TMEM223: variants seen among roughly 807,000 people sequenced by gnomAD.
TMEM223 encodes transmembrane protein 223.
In TMEM223, 14 loss-of-function variants were observed where a neutral mutation model predicts 14.1. That is an observed-to-expected ratio of 0.99 (90% CI 0.66 to 1.55). The LOEUF (loss-of-function observed/expected upper bound fraction) is 1.55. Among genes scored for constraint, TMEM223 ranks in the 40% most tolerant of loss-of-function variants. TMEM223 has a pLI of 0.00. For missense variants in TMEM223, 346 were observed against 269.9 expected (o/e 1.28, Z -1.97); for synonymous variants, 145 against 120.5 (o/e 1.20, Z -1.33).
downstream of TMEM223, chr11:62,786,028 T>C (rs372033520): frequency 1.9e-4 from 89 of 462,514 alleles, 1 homozygote; most frequent in East Asian, 1.3e-3. Flanking sequence ...GGCAGTGATA[T>C]TGGGTATATT....
In TMEM223 at chr11:62,790,108, CCCT is replaced by C. The variant is rs1182758277; in HGVS notation, c.*512_*514del. 2 of 1,490,926 alleles carry C rather than the reference CCCT, an allele frequency of 1.3e-6. No individual in the cohort carries two copies. Among genetic ancestry groups the C allele is most frequent in the South Asian group, 1.4e-5 (1 of 73,368 alleles). The allele number at this position is 1,490,926 out of a possible 1,614,324, so 92.4% of individuals were successfully genotyped here. ...CATGCCCAAGTGCCTGTAATCCCCC[CCCT>C]CAAGGCCCTGTTTATGTTGGGAGTC... is the stretch of plus-strand genomic sequence containing the variant. On this transcript the variant is annotated 3_prime_UTR_variant, in exon 2 of 2. Coordinates refer to ENST00000307366, the MANE Select transcript of TMEM223 (RefSeq NM_001080501.3).
intron 1 of TMEM223, chr11:62,775,972 T>A: frequency 6.4e-7 from 1 of 1,565,684 alleles, no homozygotes; most frequent in Non-Finnish European, 8.7e-7. Context: ...CTTTCCTTGT[T>A]TCTGCCTTTT....
chr11:62,789,907 G>A (rs754636767), downstream of TMEM223: 1 of 1,613,972 alleles, frequency 6.2e-7, no homozygotes, highest in Non-Finnish European at 8.5e-7. Flanking sequence ...GGTGAATTTG[G>A]TATTGTGGTG....
downstream of TMEM223, chr11:62,789,043 TC>T (rs1322737495): frequency 6.2e-7 from 1 of 1,613,032 alleles, no homozygotes; most frequent in South Asian, 1.1e-5. Context: ...GTGGTAGATG[TC>T]CCCTGTATGG....
At chr11:62,787,421 G>A (rs1312087313), downstream of TMEM223, 3 of 1,560,152 alleles carry the variant, frequency 1.9e-6, no homozygotes, top group Admixed American at 5.5e-5. Context: ...CTTCCTGGTG[G>A]TCAGGGCGCC....
At chr11:62,780,806 A>T (rs1181910539) in intron 1 of TMEM223, among the ~76,000 whole-genome samples, 1 of 150,272 alleles carries the variant, frequency 6.7e-6, no homozygotes, top group Non-Finnish European at 1.5e-5. Context: ...GCTTGGTGGC[A>T]TGCGTCTGTA....
intron 1 of TMEM223, among the ~76,000 whole-genome samples, chr11:62,791,161 G>A (rs2084356511): frequency 6.6e-6 from 1 of 152,136 alleles, no homozygotes; most frequent in South Asian, 2.1e-4. Flanking sequence ...TTAATGGGAA[G>A]ATGGAGAGCT....
Position 62,790,185 on chromosome 11 carries a change from C to T in TMEM223, c.*438G>A, listed in dbSNP as rs1264907065. On this transcript the variant is annotated 3_prime_UTR_variant, in exon 2 of 2. Coordinates refer to ENST00000307366, the MANE Select transcript of TMEM223 (RefSeq NM_001080501.3). ...TGGGGGGGAAACATAATGACAGGCCCCCCTCCACCTCTTCCTGCAGCTGTT... is the reference window on the plus strand; with the variant it reads ...TGGGGGGGAAACATAATGACAGGCCTCCCTCCACCTCTTCCTGCAGCTGTT... 1.1e-6 allele frequency: 1 copy of T among 914,756 alleles called. No homozygotes were observed. The highest frequency in any genetic ancestry group is 1.9e-5 in the South Asian group (1 of 53,182). The allele number at this position is 914,756 out of a possible 1,614,324, so 56.7% of individuals were successfully genotyped here. A position where few individuals can be genotyped will look rare whatever the true frequency, so the allele number is the denominator to read the frequency against.
chr11:62,775,489 A>G (rs1383339370), intron 1 of TMEM223, among the ~76,000 whole-genome samples: 1 of 152,240 alleles, frequency 6.6e-6, no homozygotes, highest in African/African-American at 2.4e-5. Flanking sequence ...GCTCAGACTG[A>G]TGAAGGCCTT....
intron 1 of TMEM223, among the ~76,000 whole-genome samples, chr11:62,780,893 C>G (rs11231215): frequency 6.9e-6 from 1 of 144,752 alleles, no homozygotes; most frequent in Non-Finnish European, 1.5e-5. Context: ...GCCGAGATCG[C>G]GCCACCGCAC....
downstream of TMEM223, chr11:62,782,643 G>T: frequency 6.2e-7 from 1 of 1,601,010 alleles, no homozygotes; most frequent in Non-Finnish European, 8.5e-7. Flanking sequence ...GTGCCCTGTT[G>T]GGTGGCACCA....
At position 62,776,854 on chromosome 11, in the gene TMEM223, A is replaced by G. The variant is rs536246679; in HGVS notation, c.315-2189T>C. Among the ~76,000 whole-genome samples, 6 of 150,522 alleles carry G rather than the reference A, an allele frequency of 4.0e-5. No homozygotes were observed. In the South Asian group the frequency reaches 6.3e-4, roughly 16 times the overall value. The stretch of plus-strand genomic sequence containing the variant: ...CAAGACCCTGTCTCAAAAAAAGAAA[A>G]AAAAAAAAAAAAGGCCGGGCACAGG... On this transcript the variant is annotated intron_variant, in intron 1 of 2. Coordinates refer to the TMEM223 transcript ENST00000528367.
intron 1 of TMEM223, among the ~76,000 whole-genome samples, chr11:62,779,755 T>C (rs2084213476): frequency 6.6e-6 from 1 of 151,422 alleles, no homozygotes; most frequent in Non-Finnish European, 1.5e-5. Flanking sequence ...AGCCTCTACC[T>C]CTTGGGTTCA....
At position 62,774,440 on chromosome 11, in the gene TMEM223, A is replaced by G. The variant is rs561830380; in HGVS notation, c.385+155T>C. ...GGGAGGAGTGCTGCACAGAAGCCAC[A>G]TAGCTGTCCATTGGATGTAGGGACC... On this transcript the variant is annotated intron_variant, in intron 2 of 2. Transcript: ENST00000528367. Among the ~76,000 whole-genome samples, 10 of 152,314 alleles carry G rather than the reference A, an allele frequency of 6.6e-5. No homozygotes were observed. The South Asian group carries it at 2.1e-3, about 32-fold the overall frequency.
intron 2 of TMEM223, among the ~76,000 whole-genome samples, chr11:62,773,887 G>A (rs1162371849): frequency 6.6e-6 from 1 of 152,152 alleles, no homozygotes; most frequent in East Asian, 1.9e-4. Flanking sequence ...GGGGGTGGAG[G>A]ACAGGGAGGA....
intron 1 of TMEM223, chr11:62,778,761 G>T: frequency 1.1e-6 from 1 of 947,062 alleles, no homozygotes; most frequent in African/African-American, 1.6e-5. Flanking sequence ...TGTCAGAAAG[G>T]CTTCTTGTGG....
rs924639357 is a variant in TMEM223, at chr11:62,790,496, G to C, written c.*127C>G. 1 of 852,806 alleles carries C rather than the reference G, an allele frequency of 1.2e-6. No individual in the cohort carries two copies. Among genetic ancestry groups the C allele is most frequent in the Non-Finnish European group, 1.8e-6 (1 of 564,346 alleles). The allele number at this position is 852,806 out of a possible 1,614,324, so 52.8% of individuals were successfully genotyped here. The stretch of plus-strand genomic sequence containing the variant: ...TCGCTATGTTGCCCAGCCTGGGCTC[G>C]AGCAGTGCTCCTGCCTCACCCTCCC... On this transcript the variant is annotated 3_prime_UTR_variant, in exon 2 of 2. Coordinates refer to ENST00000307366, the MANE Select transcript of TMEM223 (RefSeq NM_001080501.3).
At chr11:62,779,017 C>CTTT in intron 1 of TMEM223, 4 of 1,263,770 alleles carry the variant, frequency 3.2e-6, no homozygotes, top group Non-Finnish European at 4.5e-6. Context: ...AATTCTAGAC[C>CTTT]TGTTTTTTTT....
chr11:62,790,815 G>T lies in TMEM223; in HGVS notation c.417C>A (p.Ala139=). 6.2e-7 allele frequency: 1 copy of T among 1,605,892 alleles called. No homozygotes were observed. Among genetic ancestry groups the T allele is most frequent in the Non-Finnish European group, 8.5e-7 (1 of 1,176,138 alleles). ...TGAAATGGGCCCCCAAGCCAAAGGG[G>T]GCATGAGTGGTGAGGGTCACCTGCT... ...GGQQVTLTTH[A]PFGLGAHFTV... The change falls in exon 2 of 2, where the codon GCC becomes GCA. Residue 139 remains alanine (A), a synonymous_variant. Transcript: ENST00000307366.
Sources: allele counts gnomAD v4.1 joint callset (sites outside exome capture counted in the v4.1 genomes callset), GRCh38; gene constraint gnomAD v4.1.1; transcripts MANE v1.5; gene names NCBI Gene and HGNC (gene_info 2026-07-23, HGNC 2026-07-21).